APPL1: variants seen among roughly 807,000 people sequenced by gnomAD.
APPL1 encodes adaptor protein, phosphotyrosine interacting with PH domain and leucine zipper 1, also known as DCC-interacting protein 13-alpha.
In APPL1, 42 loss-of-function variants were observed where a neutral mutation model predicts 106.8. The observed-to-expected ratio is 0.39, with a 90% CI of 0.31 to 0.51. The LOEUF (loss-of-function observed/expected upper bound fraction) is 0.51, where lower values mean the gene tolerates loss of function less well. Ranked by LOEUF, APPL1 falls within the 20% of genes least tolerant of loss-of-function variation. APPL1 has a pLI of 0.75. For missense variants in APPL1, 769 were observed against 858.2 expected (o/e 0.90, Z 1.30); for synonymous variants, 263 against 281.8 (o/e 0.93, Z 0.67).
chr3:57,267,863 G>A (rs1390727302), intron 20 of APPL1, 71 bp downstream of exon 20: 24 of 1,514,940 alleles, frequency 1.6e-5, no homozygotes, highest in South Asian at 2.3e-5. Context: ...AGGCCGAGGC[G>A]GGCAGATGAC....
rs753258836 is a variant in APPL1 at position 57,229,699 on chromosome 3, C to CTTT, written c.54+1788_54+1790dup. Reference sequence around the variant, plus strand: ...ATACAGGCGTGTGCCACTGTGCCAGCTTTTTTTTTTTTTTTTTTTTTTTTT... The same window carrying CTTT: ...ATACAGGCGTGTGCCACTGTGCCAGCTTTTTTTTTTTTTTTTTTTTTTTTTTTT... On this transcript the variant is annotated intron_variant, in intron 1 of 21. Coordinates refer to ENST00000288266, the MANE Select transcript of APPL1 (RefSeq NM_012096.3). Among the ~76,000 whole-genome samples the CTTT allele has an allele frequency of 8.1e-3, 750 of 93,088 alleles. 118 individuals are homozygous for CTTT. The highest frequency in any genetic ancestry group is 0.033 in the African/African-American group (706 of 21,434). 61.1% of individuals were successfully genotyped at this position (93,088 alleles called of 152,430 possible).
chr3:57,227,947 G>A lies in APPL1; in HGVS notation c.54+10G>A, dbSNP rs1003107250. 2.4e-5 allele frequency: 34 copies of A among 1,430,210 alleles called. No individual in the cohort carries two copies. In the African/African-American group the frequency reaches 4.0e-4, roughly 17 times the overall value. 88.6% of individuals were successfully genotyped at this position (1,430,210 alleles called of 1,614,324 possible). On this transcript the variant is annotated intron_variant, in intron 1 of 21. Coordinates refer to ENST00000288266, the MANE Select transcript of APPL1 (RefSeq NM_012096.3). ...GGAGGACAGCCCGCAGGTGAGGCGCGGGAGCTGGTGGGCGACGAGGGAGAG... is the reference window on the plus strand; with the variant it reads ...GGAGGACAGCCCGCAGGTGAGGCGCAGGAGCTGGTGGGCGACGAGGGAGAG...
At chr3:57,241,718 G>T (rs942957866) in intron 5 of APPL1, among the ~76,000 whole-genome samples, 4 of 152,102 alleles carry the variant, frequency 2.6e-5, no homozygotes, top group Admixed American at 6.5e-5. Flanking sequence ...TCAGTGTAAG[G>T]GGACTGAATG....
At chr3:57,229,398 G>C (rs2060673095) in intron 1 of APPL1, among the ~76,000 whole-genome samples, 1 of 151,650 alleles carries the variant, frequency 6.6e-6, no homozygotes, top group East Asian at 1.9e-4. Flanking sequence ...GAAATGACTT[G>C]TGAGGCAGAG....
chr3:57,269,045 A>C (rs757789577), intron 21 of APPL1: 1 of 155,608 alleles, frequency 6.4e-6, no homozygotes, highest in South Asian at 2.0e-4. Flanking sequence ...CTTAGAACAG[A>C]TCAATAAGCA....
chr3:57,264,803 T>G (rs1469351229), intron 19 of APPL1, among the ~76,000 whole-genome samples: 1 of 146,174 alleles, frequency 6.8e-6, no homozygotes, highest in Non-Finnish European at 1.5e-5. Context: ...CTATGTGTCT[T>G]TTTTTTTTTT....
chr3:57,236,193 C>T (rs1376865289), intron 2 of APPL1, among the ~76,000 whole-genome samples: 2 of 151,918 alleles, frequency 1.3e-5, no homozygotes, highest in Non-Finnish European at 2.9e-5. Context: ...TACAGGCATG[C>T]ACCAGCACGC....
chr3:57,245,490 C>G (rs2060767782), intron 7 of APPL1, among the ~76,000 whole-genome samples: 1 of 151,670 alleles, frequency 6.6e-6, no homozygotes, highest in South Asian at 2.1e-4. Context: ...CTCTGCCATG[C>G]TTAGTTTAGT....
chr3:57,267,889 C>A, intron 20 of APPL1, 97 bp downstream of exon 20: 3 of 1,237,482 alleles, frequency 2.4e-6, no homozygotes, highest in South Asian at 1.2e-5. Context: ...GTCAGGAGTT[C>A]GAGACTAACC....
At chr3:57,256,634 G>A (rs564371904) in intron 13 of APPL1, among the ~76,000 whole-genome samples, 11 of 152,066 alleles carry the variant, frequency 7.2e-5, no homozygotes, top group African/African-American at 2.7e-4. Context: ...AAAAATATCT[G>A]GTAGTTAAAA....
intron 2 of APPL1, 26 bp from the exon 3 acceptor site, chr3:57,237,466 T>C (rs765211659): frequency 9.6e-6 from 15 of 1,570,526 alleles, no homozygotes; most frequent in African/African-American, 1.4e-5. Context: ...CCCAGTAATA[T>C]GCTAATTTGA....
intron 5 of APPL1, among the ~76,000 whole-genome samples, chr3:57,241,289 G>A (rs1054071655): frequency 7.2e-5 from 11 of 152,210 alleles, no homozygotes; most frequent in Non-Finnish European, 1.0e-4. Context: ...TGTATGGGCC[G>A]AAGTGGCAAG....
chr3:57,251,049 C>T (rs1192062330), intron 11 of APPL1, among the ~76,000 whole-genome samples: 57 of 148,042 alleles, frequency 3.9e-4, no homozygotes, highest in Non-Finnish European at 5.7e-4. Context: ...CCTCGTGATC[C>T]GCCCGCCTCG....
intron 19 of APPL1, among the ~76,000 whole-genome samples, chr3:57,262,815 T>G (rs1194962309): frequency 4.0e-4 from 6 of 14,838 alleles, no homozygotes; most frequent in Admixed American, 1.1e-3. Context: ...GTACAAGGGG[T>G]GTGTGTGTGT....
chr3:57,234,296 CTTTTTT>C (rs1212693146), intron 1 of APPL1, among the ~76,000 whole-genome samples: 2 of 124,212 alleles, frequency 1.6e-5, no homozygotes, highest in Admixed American at 1.6e-4. Flanking sequence ...TATTGACATT[CTTTTTT>C]TTTTTTTTTT....
intron 1 of APPL1, among the ~76,000 whole-genome samples, chr3:57,232,367 G>T (rs1020477897): frequency 2.0e-5 from 3 of 152,152 alleles, no homozygotes; most frequent in Admixed American, 2.0e-4. Context: ...TATCAGCCAG[G>T]TAGCAGTAGT....
Position 57,270,009 on chromosome 3 carries a change from G to T in APPL1, c.*322G>T. On this transcript the variant is annotated 3_prime_UTR_variant, in exon 22 of 22. Coordinates refer to ENST00000288266, the MANE Select transcript of APPL1 (RefSeq NM_012096.3). ...ACTTTTAATTCTTGCATTGTAATTG[G>T]CTGTGTCCATAAGAAATCATTTATT... 1 of 188,664 alleles carries T rather than the reference G, an allele frequency of 5.3e-6. No individual in the cohort carries two copies. 11.7% of individuals were successfully genotyped at this position (188,664 alleles called of 1,614,324 possible). A position where few individuals can be genotyped will look rare whatever the true frequency, so the allele number is the denominator to read the frequency against.
intron 1 of APPL1, among the ~76,000 whole-genome samples, chr3:57,231,428 A>G (rs1359273419): frequency 6.7e-6 from 1 of 148,636 alleles, no homozygotes; most frequent in African/African-American, 2.5e-5. Context: ...TCCTGGCCTT[A>G]GTGCTGGGAT....
At chr3:57,251,397 G>T (rs534257543) in intron 11 of APPL1, among the ~76,000 whole-genome samples, 33 of 151,630 alleles carry the variant, frequency 2.2e-4, no homozygotes, top group Admixed American at 1.3e-3. Flanking sequence ...GGTGGTGGGT[G>T]CCTGTAATCC....
Sources: gnomAD v4.1 joint callset for allele counts (sites outside exome capture counted in the v4.1 genomes callset) on GRCh38, gnomAD v4.1.1 for gene constraint, MANE v1.5 for transcripts, NCBI Gene and HGNC (gene_info 2026-07-23, HGNC 2026-07-21) for gene names.